TMEM255A: variants seen among roughly 807,000 people sequenced by gnomAD.
TMEM255A encodes the protein transmembrane protein 255A.
In TMEM255A, 14 loss-of-function variants were observed where a neutral mutation model predicts 23.5. The ratio of observed to expected loss-of-function variants is 0.60; its 90% confidence interval spans 0.39 to 0.93. The LOEUF (loss-of-function observed/expected upper bound fraction) is 0.93. TMEM255A is among the 40% of genes least tolerant of loss of function. The probability of loss-of-function intolerance (pLI) is 0.00; values close to 1 mark genes in which losing one functional copy is unlikely to be tolerated. For synonymous variants in TMEM255A, 104 were observed against 100.3 expected (o/e 1.04, Z -0.22); for missense variants, 233 against 261.7 (o/e 0.89, Z 0.76).
downstream of TMEM255A, chrX:120,254,486 A>G: frequency 1.7e-6 from 2 of 1,211,901 alleles, no homozygotes; most frequent in Non-Finnish European, 2.2e-6. Flanking sequence ...CTTTGGTCCC[A>G]CAGGCTGATA....
chrX:120,291,152 C>T (rs151047876), intron 4 of TMEM255A, 99 bp downstream of exon 4: 21,505 of 690,131 alleles, frequency 0.031, 550 homozygotes, highest in African/African-American at 0.12. Context: ...CTCATGTAAC[C>T]CTCATGACAC....
chrX:120,285,646 G>T lies in TMEM255A; in HGVS notation c.424-431C>A, dbSNP rs138900523. ...GTACCTCTCTAGCTGCCTGGGTAAG[G>T]TTCCTCATAACCCTCGTGGAAGGAG... On this transcript the variant is annotated intron_variant, in intron 5 of 8. Coordinates refer to ENST00000371369, the MANE Select transcript of TMEM255A (RefSeq NM_001104544.3). 11 of 1,209,588 alleles carry T rather than the reference G, an allele frequency of 9.1e-6. No homozygotes were observed. The African/African-American group carries it at 1.8e-4, about 19-fold the overall frequency.
intron 5 of TMEM255A, among the ~76,000 whole-genome samples, chrX:120,286,228 A>C (rs2147198885): frequency 8.9e-6 from 1 of 112,279 alleles, no homozygotes; most frequent in Non-Finnish European, 1.9e-5. Flanking sequence ...ACCCATTCAC[A>C]TTGTATTTTA....
At position 120,282,938 on chromosome X, in the gene TMEM255A, G is replaced by A. The variant is rs138927471; in HGVS notation, c.512+2189C>T. Among the ~76,000 whole-genome samples, 40 of 111,037 alleles carry A rather than the reference G, an allele frequency of 3.6e-4. No individual in the cohort carries two copies. The East Asian group carries it at 3.7e-3, about 10-fold the overall frequency. ...CCTTGAGATCTCAGGCCCAGTTCTG[G>A]CCAGCTCCCAGCACCACCCTAGGAG... On this transcript the variant is annotated intron_variant, in intron 6 of 8. Transcript: ENST00000371369.
intron 2 of TMEM255A, among the ~76,000 whole-genome samples, chrX:120,298,877 T>TAGAGAGAGAGAGAG (rs60873568): frequency 1.0e-5 from 1 of 97,871 alleles, no homozygotes; most frequent in African/African-American, 3.8e-5. Context: ...ACAGAGCACC[T>TAGAGAGAGAGAGAG]AGAGAGAGAG....
chrX:120,303,643 G>C (rs1452953977), intron 2 of TMEM255A, among the ~76,000 whole-genome samples: 1 of 108,730 alleles, frequency 9.2e-6, no homozygotes, highest in Admixed American at 1.0e-4. Flanking sequence ...GGGATAAGAA[G>C]GCAGCCAAAA....
downstream of TMEM255A, chrX:120,255,235 T>G (rs192480559): frequency 1.3e-3 from 1,558 of 1,210,326 alleles, 18 homozygotes; most frequent in Non-Finnish European, 1.5e-4. Flanking sequence ...TCAAGCACTA[T>G]TCCTGCAATG....
At chrX:120,306,519 C>A (rs1279336004) in intron 1 of TMEM255A, among the ~76,000 whole-genome samples, 1 of 111,487 alleles carries the variant, frequency 9.0e-6, no homozygotes, top group African/African-American at 3.3e-5. Flanking sequence ...TCTCTTTTGT[C>A]ACTCACACAA....
At chrX:120,256,763 CAG>C (rs1216289898), downstream of TMEM255A, 1 of 119,389 alleles carries the variant, frequency 8.4e-6, no homozygotes, top group Admixed American at 9.9e-5. Context: ...GCATTTATAA[CAG>C]AATTGTTGAA....
intron 6 of TMEM255A, among the ~76,000 whole-genome samples, chrX:120,281,440 A>C (rs1376641643): frequency 1.8e-5 from 2 of 112,084 alleles, no homozygotes; most frequent in Non-Finnish European, 3.8e-5. Context: ...CTCTTCCATA[A>C]GGGCCTGGAG....
At chrX:120,297,973 A>T (rs2058008346) in intron 2 of TMEM255A, among the ~76,000 whole-genome samples, 1 of 111,482 alleles carries the variant, frequency 9.0e-6, no homozygotes, top group Non-Finnish European at 1.9e-5. Context: ...TCAGAAAGGT[A>T]AGCTCTGTGG....
At chrX:120,268,431 TAGG>T in intron 7 of TMEM255A, 44 bp from the exon 8 acceptor site, 1 of 1,060,283 alleles carries the variant, frequency 9.4e-7, no homozygotes, top group Non-Finnish European at 1.3e-6. Flanking sequence ...CAGTCATCAC[TAGG>T]AGAATGGTTA....
intron 4 of TMEM255A, among the ~76,000 whole-genome samples, chrX:120,289,800 A>G (rs966921517): frequency 2.7e-5 from 3 of 112,468 alleles, no homozygotes; most frequent in African/African-American, 9.7e-5. Flanking sequence ...GTGAACGGAC[A>G]AAGAAAATGT....
downstream of TMEM255A, chrX:120,255,218 C>T (rs782385396): frequency 3.2e-5 from 39 of 1,209,795 alleles, no homozygotes; most frequent in South Asian, 5.6e-4. Context: ...CATATCTTTC[C>T]GATAGATCAA....
At chrX:120,293,884 C>T (rs2057934197) in intron 3 of TMEM255A, 105 bp downstream of exon 3, 6 of 595,581 alleles carry the variant, frequency 1.0e-5, no homozygotes, top group South Asian at 9.9e-5. Context: ...GTAGCAGTTC[C>T]TTTTATGACC....
chrX:120,264,767 G>A (rs1556017228), intron 8 of TMEM255A, among the ~76,000 whole-genome samples: 4 of 110,289 alleles, frequency 3.6e-5, no homozygotes, highest in African/African-American at 1.3e-4. Context: ...CTGGCCTTTT[G>A]GGGGTGGGTC....
intron 6 of TMEM255A, among the ~76,000 whole-genome samples, chrX:120,280,565 C>A (rs1198498672): frequency 9.0e-6 from 1 of 110,699 alleles, no homozygotes; most frequent in Non-Finnish European, 1.9e-5. Flanking sequence ...TGAAATTGCA[C>A]CTTTTGCATT....
chrX:120,296,098 A>G (rs1267818744), intron 2 of TMEM255A, among the ~76,000 whole-genome samples: 5 of 112,195 alleles, frequency 4.5e-5, no homozygotes, highest in African/African-American at 9.7e-5. Flanking sequence ...AGAAATTTGG[A>G]GGCAGCTTCT....
Position 120,294,067 on chromosome X carries a change from G to C in TMEM255A, c.202-16C>G. The C allele has an allele frequency of 8.8e-7, 1 of 1,130,227 alleles. No homozygotes were observed. Among genetic ancestry groups the C allele is most frequent in the Non-Finnish European group, 1.2e-6 (1 of 829,059 alleles). The allele number at this position is 1,130,227 out of a possible 1,213,427, so 93.1% of individuals were successfully genotyped here. Reference sequence around the variant, plus strand: ...CAAAGCCGAGCTGCAAAGCAATATGGCATACATAGTATGTGGGATGACAGT... The same window carrying C: ...CAAAGCCGAGCTGCAAAGCAATATGCCATACATAGTATGTGGGATGACAGT... On this transcript the variant is annotated splice_polypyrimidine_tract_variant and intron_variant, in intron 2 of 8. Transcript: ENST00000371369.
Sources: gnomAD v4.1 joint callset for allele counts (sites outside exome capture counted in the v4.1 genomes callset) on GRCh38, gnomAD v4.1.1 for gene constraint, MANE v1.5 for transcripts, NCBI Gene and HGNC (gene_info 2026-07-23, HGNC 2026-07-21) for gene names.